GAL3ST2: variants seen among roughly 807,000 people sequenced by gnomAD.
GAL3ST2 encodes galactose-3-O-sulfotransferase 2.
A neutral mutation model predicts 12.9 loss-of-function variants in GAL3ST2; 16 were observed. That is an observed-to-expected ratio of 1.24 (90% CI 0.84 to 1.88). The LOEUF (loss-of-function observed/expected upper bound fraction) is 1.88, where lower values mean the gene tolerates loss of function less well. GAL3ST2 is among the 40% of genes most tolerant of loss of function. GAL3ST2 has a pLI of 0.00. For synonymous variants in GAL3ST2, 302 were observed against 273.9 expected (o/e 1.10, Z -1.01); for missense variants, 639 against 571.8 (o/e 1.12, Z -1.20).
chr2:241,798,599 C>T (rs566091344), intron 1 of GAL3ST2, among the ~76,000 whole-genome samples: 5 of 152,220 alleles, frequency 3.3e-5, no homozygotes, highest in East Asian at 1.9e-4. Flanking sequence ...GGCACCATCA[C>T]GCTGTGTGTT....
chr2:241,803,726 C>G lies in GAL3ST2; in HGVS notation c.757C>G (p.Leu253Val). 13 of 1,537,050 alleles carry G rather than the reference C, an allele frequency of 8.5e-6. No homozygotes were observed. The highest frequency in any genetic ancestry group is 1.1e-5 in the Non-Finnish European group (13 of 1,142,764). ...GCTGGACGACGTGGTGGCCTTCAGG[C>G]TCAACTCCCGCAGCGCGCGCTCCGT... ...WALDDVVAFRLNSRSARSVAR... is the reference protein window; with the variant it reads ...WALDDVVAFRVNSRSARSVAR... Residue 253 changes from leucine to valine, a missense_variant, in exon 4 of 4, where the codon CTC (leucine) becomes GTC (valine). Coordinates refer to ENST00000192314, the MANE Select transcript of GAL3ST2 (RefSeq NM_022134.3).
In GAL3ST2 at chr2:241,800,822, T is replaced by C. The variant is rs1699834005; in HGVS notation, c.120-959T>C. On this transcript the variant is annotated intron_variant, in intron 2 of 3. Transcript: ENST00000192314. The surrounding 1 kb of genome is among the most constrained non-coding windows in gnomAD (Gnocchi z 5.2). ...AGAAAAAGAAAACTCCCGTGGCAGGTAGAACATAAATAAGTGCAGCGTGTG... is the reference window on the plus strand; with the variant it reads ...AGAAAAAGAAAACTCCCGTGGCAGGCAGAACATAAATAAGTGCAGCGTGTG... The C allele has an allele frequency of 6.6e-6, 1 of 152,184 alleles. No homozygotes were observed. Among genetic ancestry groups the C allele is most frequent in the African/African-American group, 2.4e-5 (1 of 41,446 alleles). The allele number at this position is 152,184 out of a possible 1,614,324, so 9.4% of individuals were successfully genotyped here.
chr2:241,778,671 A>G (rs1466626498), intron 1 of GAL3ST2, among the ~76,000 whole-genome samples: 3 of 152,264 alleles, frequency 2.0e-5, no homozygotes, highest in Non-Finnish European at 2.9e-5. Context: ...ACGTGCACCC[A>G]TGACCCAGCC....
chr2:241,803,630 T>A lies in GAL3ST2; in HGVS notation c.661T>A (p.Phe221Ile), dbSNP rs1056653034. The A allele has an allele frequency of 1.9e-6, 3 of 1,553,984 alleles. No homozygotes were observed. Among genetic ancestry groups the A allele is most frequent in the Non-Finnish European group, 1.7e-6 (2 of 1,148,514 alleles). ...RARIAEVERR[F>I]RLVLIAEHLD... ...GCGCATCGCCGAGGTGGAGCGGCGC[T>A]TCCGGCTGGTGCTCATCGCCGAGCA... The change falls in exon 4 of 4, where the codon TTC (phenylalanine) becomes ATC (isoleucine). Residue 221 changes from phenylalanine to isoleucine, a missense_variant. By Grantham distance (21) the Phe-to-Ile change is conservative. Transcript: ENST00000192314.
rs1482603655 is a variant in GAL3ST2, at chr2:241,803,853, G to A, written c.884G>A (p.Arg295His). ...AACCGCACCCTCTGGGCGCAGCTGC[G>A]CGCCGAGCTGGGGCCGCGGCGGCTG... ...HFNRTLWAQLRAELGPRRLRG... is the reference protein window; with the variant it reads ...HFNRTLWAQLHAELGPRRLRG... The change falls in exon 4 of 4, where the codon CGC becomes CAC. Residue 295 changes from arginine to histidine, a missense_variant. Arg to His is a conservative substitution (Grantham distance 29, BLOSUM62 0). Coordinates refer to ENST00000192314, the MANE Select transcript of GAL3ST2 (RefSeq NM_022134.3). 22 of 1,453,174 alleles carry A rather than the reference G, an allele frequency of 1.5e-5. No individual in the cohort carries two copies. The highest frequency in any genetic ancestry group is 1.9e-5 in the Non-Finnish European group (21 of 1,112,420). The allele number at this position is 1,453,174 out of a possible 1,614,324, so 90.0% of individuals were successfully genotyped here. A position where few individuals can be genotyped will look rare whatever the true frequency, so the allele number is the denominator to read the frequency against.
In GAL3ST2 at chr2:241,802,053, G is replaced by A; in HGVS notation, c.375+17G>A. ...CTGCCTCAGGTACCGCGGGCCTGCTGGGGAGGAGGGCGGGCTGCAGCCGTG... is the reference window on the plus strand; with the variant it reads ...CTGCCTCAGGTACCGCGGGCCTGCTAGGGAGGAGGGCGGGCTGCAGCCGTG... On this transcript the variant is annotated intron_variant, in intron 3 of 3. Coordinates refer to ENST00000192314, the MANE Select transcript of GAL3ST2 (RefSeq NM_022134.3). The surrounding 1 kb of genome is among the most constrained non-coding windows in gnomAD (Gnocchi z 4.8). 1 of 1,598,066 alleles carries A rather than the reference G, an allele frequency of 6.3e-7. No homozygotes were observed. The highest frequency in any genetic ancestry group is 1.1e-5 in the South Asian group (1 of 89,194).
At chr2:241,796,483 G>C (rs529857987) in intron 1 of GAL3ST2, among the ~76,000 whole-genome samples, 1 of 147,228 alleles carries the variant, frequency 6.8e-6, no homozygotes, top group Admixed American at 7.0e-5. Context: ...TGGTCGTCAC[G>C]TATCAGGGCT....
rs1299900500 is a variant in GAL3ST2 at position 241,777,279 on chromosome 2, C to T, written c.29+295C>T. Among the ~76,000 whole-genome samples, 12 of 152,288 alleles carry T rather than the reference C, an allele frequency of 7.9e-5. No homozygotes were observed. The South Asian group carries it at 1.0e-3, about 13-fold the overall frequency. On this transcript the variant is annotated intron_variant, in intron 1 of 3. Transcript: ENST00000192314. ...TGGAGACGCTCGAGTGTCCGCGTGA[C>T]GGCTGGGGAGGGTGAGACCTGCTGG... is the stretch of plus-strand genomic sequence containing the variant.
At position 241,800,310 on chromosome 2, in the gene GAL3ST2, C is replaced by T. The variant is rs147357319; in HGVS notation, c.119+1156C>T. 6.3e-4 allele frequency among the ~76,000 whole-genome samples: 94 copies of T among 149,942 alleles called. No individual in the cohort carries two copies. The South Asian group carries it at 0.013, about 20-fold the overall frequency. ...TCCCACAGGCTGGGAGCACAGCCGC[C>T]GACCCAGGCTGGGAGCACAGCCGCC... On this transcript the variant is annotated intron_variant, in intron 2 of 3. Coordinates refer to ENST00000192314, the MANE Select transcript of GAL3ST2 (RefSeq NM_022134.3). This position sits in a 1 kb window ranked among gnomAD's most constrained non-coding sequence, Gnocchi z 5.2.
chr2:241,789,506 A>G (rs547658086), intron 1 of GAL3ST2, among the ~76,000 whole-genome samples: 4 of 152,336 alleles, frequency 2.6e-5, no homozygotes, highest in Admixed American at 2.0e-4. Context: ...TTAGCTGACA[A>G]TTGCCTTAGG....
At chr2:241,799,288 C>T (rs1699815004) in intron 2 of GAL3ST2, 134 bp downstream of exon 2, 1 of 816,084 alleles carries the variant, frequency 1.2e-6, no homozygotes, top group East Asian at 2.7e-5. Flanking sequence ...TGGATGGGCC[C>T]TTCCTTGGGG....
intron 1 of GAL3ST2, among the ~76,000 whole-genome samples, chr2:241,797,252 C>A (rs1699783821): frequency 6.6e-6 from 1 of 152,210 alleles, no homozygotes; most frequent in Non-Finnish European, 1.5e-5. Context: ...TCTCCTTTAT[C>A]CTCTGACTTC....
intron 1 of GAL3ST2, among the ~76,000 whole-genome samples, chr2:241,784,029 T>TG (rs771478483): frequency 6.6e-5 from 10 of 151,498 alleles, no homozygotes; most frequent in Non-Finnish European, 1.5e-4. Context: ...CAAATATTAA[T>TG]GTCTTCTTTT....
At chr2:241,790,824 T>C (rs1699685834) in intron 1 of GAL3ST2, among the ~76,000 whole-genome samples, 1 of 152,206 alleles carries the variant, frequency 6.6e-6, no homozygotes, top group Non-Finnish European at 1.5e-5. Flanking sequence ...ATGAGAAACA[T>C]TTTACAACCT....
At chr2:241,784,035 CTTT>C (rs1194688922) in intron 1 of GAL3ST2, among the ~76,000 whole-genome samples, 7 of 139,642 alleles carry the variant, frequency 5.0e-5, no homozygotes, top group Admixed American at 2.2e-4. Context: ...TTAATGTCTT[CTTT>C]TTTTTTTTTT....
Position 241,795,482 on chromosome 2 carries a change from C to T in GAL3ST2, c.30-3583C>T, listed in dbSNP as rs1699761595. On this transcript the variant is annotated intron_variant, in intron 1 of 3. Transcript: ENST00000192314. The surrounding 1 kb of genome is among the most constrained non-coding windows in gnomAD (Gnocchi z 4.5). ...TGCAGAGTGAGGGGCCATAAAGGTGCAGGGTGTTTGAGGAAGGAGTTGACT... is the reference window on the plus strand; with the variant it reads ...TGCAGAGTGAGGGGCCATAAAGGTGTAGGGTGTTTGAGGAAGGAGTTGACT... Among the ~76,000 whole-genome samples the T allele has an allele frequency of 6.6e-6, 1 of 152,176 alleles. No individual in the cohort carries two copies. The highest frequency in any genetic ancestry group is 2.4e-5 in the African/African-American group (1 of 41,442).
At chr2:241,786,764 C>T (rs557860354) in intron 1 of GAL3ST2, among the ~76,000 whole-genome samples, 16 of 152,218 alleles carry the variant, frequency 1.1e-4, no homozygotes, top group Admixed American at 5.9e-4. Flanking sequence ...TACCAAGCTC[C>T]GATAGGAGGT....
intron 1 of GAL3ST2, among the ~76,000 whole-genome samples, chr2:241,791,704 G>A (rs1699695298): frequency 6.6e-6 from 1 of 152,146 alleles, no homozygotes; most frequent in South Asian, 2.1e-4. Flanking sequence ...AAAAGCCTAT[G>A]TAAAAAGTAA....
intron 1 of GAL3ST2, among the ~76,000 whole-genome samples, chr2:241,784,455 A>T (rs1243347066): frequency 6.6e-6 from 1 of 152,218 alleles, no homozygotes; most frequent in African/African-American, 2.4e-5. Context: ...ATAAGTAGGA[A>T]ATTGCTTGAT....
Sources: gnomAD v4.1 joint callset for allele counts (sites outside exome capture counted in the v4.1 genomes callset) on GRCh38, gnomAD v4.1.1 for gene constraint, Gnocchi (gnomAD v3.1) non-coding constraint, MANE v1.5 for transcripts, NCBI Gene and HGNC (gene_info 2026-07-23, HGNC 2026-07-21) for gene names.